The following WWOX variants were observed in gnomAD, a reference collection of about 807,000 sequenced individuals.
WWOX encodes the protein WW domain-containing oxidoreductase.
WWOX carries 69 observed loss-of-function variants against 46.2 expected under a neutral mutation model. The observed-to-expected ratio is 1.49, with a 90% confidence interval of 1.23 to 1.82. The LOEUF is 1.82. WWOX is among the 40% of genes most tolerant of loss of function. The pLI, the probability that WWOX is intolerant of heterozygous loss-of-function variation, is 0.00. For synonymous variants in WWOX, 359 were observed against 202.6 expected (o/e 1.77, Z -6.56); for missense variants, 919 against 542.6 (o/e 1.69, Z -6.89).
At chr16:78,210,819 C>G (rs368929594) in intron 5 of WWOX, among the ~76,000 whole-genome samples, 1 of 152,166 alleles carries the variant, frequency 6.6e-6, no homozygotes, top group Admixed American at 6.5e-5. Flanking sequence ...AGTAGCCTAT[C>G]TGTGGTTTAA....
chr16:79,074,697 T>C (rs2048621406), intron 8 of WWOX, among the ~76,000 whole-genome samples: 1 of 151,932 alleles, frequency 6.6e-6, no homozygotes, highest in African/African-American at 2.4e-5. Context: ...GATCAGCATA[T>C]GTTATTTATC....
At chr16:78,536,901 C>CTTTTTT (rs35326105) in intron 8 of WWOX, among the ~76,000 whole-genome samples, 3 of 120,058 alleles carry the variant, frequency 2.5e-5, no homozygotes, top group Non-Finnish European at 1.7e-5. Context: ...AGAGCCAAGT[C>CTTTTTT]TTTTTTTTTT....
intron 8 of WWOX, among the ~76,000 whole-genome samples, chr16:78,857,007 T>A (rs1251018469): frequency 6.6e-6 from 1 of 152,240 alleles, no homozygotes. Flanking sequence ...AATACAATGC[T>A]AAGTATTTGC....
chr16:78,856,189 C>T (rs571131665), intron 8 of WWOX, among the ~76,000 whole-genome samples: 2 of 152,028 alleles, frequency 1.3e-5, no homozygotes, highest in Admixed American at 6.5e-5. Context: ...GCATAAAGGG[C>T]CAGAACAGAA....
chr16:78,847,084 G>A (rs2052319180), intron 8 of WWOX, among the ~76,000 whole-genome samples: 1 of 152,142 alleles, frequency 6.6e-6, no homozygotes, highest in Admixed American at 6.5e-5. Flanking sequence ...TTTTGGCACT[G>A]TAAGAGGCTT....
intron 8 of WWOX, among the ~76,000 whole-genome samples, chr16:79,083,265 T>C (rs1300037050): frequency 6.6e-6 from 1 of 152,126 alleles, no homozygotes; most frequent in Admixed American, 6.5e-5. Context: ...CCTAATGAAA[T>C]GTGAGTGACA....
chr16:78,969,360 C>G (rs1393557894), intron 8 of WWOX, among the ~76,000 whole-genome samples: 1 of 151,926 alleles, frequency 6.6e-6, no homozygotes, highest in East Asian at 1.9e-4. Flanking sequence ...CCCTCCATCT[C>G]CCTGGTTCAA....
intron 8 of WWOX, among the ~76,000 whole-genome samples, chr16:79,082,406 G>A (rs555761348): frequency 2.2e-4 from 33 of 152,194 alleles, no homozygotes; most frequent in Admixed American, 7.8e-4. Flanking sequence ...AGTTACATCA[G>A]GGGAGGGTCA....
intron 8 of WWOX, among the ~76,000 whole-genome samples, chr16:78,605,873 G>A (rs2045744476): frequency 6.6e-6 from 1 of 152,026 alleles, no homozygotes; most frequent in Non-Finnish European, 1.5e-5. Flanking sequence ...CACCATATTT[G>A]GCCCTATAAT....
At chr16:78,356,068 TCCTAAAAAAAAAAAA>T (rs1567520567) in intron 5 of WWOX, among the ~76,000 whole-genome samples, 2 of 20,706 alleles carry the variant, frequency 9.7e-5, no homozygotes, top group Non-Finnish European at 3.1e-4. Context: ...GATTTTTTTT[TCCTAAAAAAAAAAAA>T]AAAAAAAAAA....
chr16:79,092,628 C>CT (rs1476389772), intron 8 of WWOX, among the ~76,000 whole-genome samples: 1 of 152,128 alleles, frequency 6.6e-6, no homozygotes, highest in Non-Finnish European at 1.5e-5. Flanking sequence ...GGCGAAACCC[C>CT]TTTTTCCAGT....
Position 79,178,694 on chromosome 16 carries a change from G to A in WWOX, c.1057-32914G>A, listed in dbSNP as rs771319581. 1.1e-4 allele frequency among the ~76,000 whole-genome samples: 17 copies of A among 152,164 alleles called. 1 individual carries two copies. On this transcript the variant is annotated intron_variant, in intron 8 of 8. Coordinates refer to ENST00000566780, the MANE Select transcript of WWOX (RefSeq NM_016373.4). Reference sequence around the variant, plus strand: ...CGTAGTCCATTTTTAAGTAGCTCTTGTCTTCCAAAGGTATGGGATGTGCCT... The same window carrying A: ...CGTAGTCCATTTTTAAGTAGCTCTTATCTTCCAAAGGTATGGGATGTGCCT...
Position 78,421,779 on chromosome 16 carries a change from A to G in WWOX, c.606-3091A>G, listed in dbSNP as rs532507163. ...TGCTTTTTACAGTCATGTGCTGACAATTCTAAACATTATCAATGATAAAAT... is the reference window on the plus strand; with the variant it reads ...TGCTTTTTACAGTCATGTGCTGACAGTTCTAAACATTATCAATGATAAAAT... On this transcript the variant is annotated intron_variant, in intron 6 of 8. Transcript: ENST00000566780. Among the ~76,000 whole-genome samples the G allele has an allele frequency of 2.2e-3, 341 of 152,322 alleles. 1 individual carries two copies. The highest frequency in any genetic ancestry group is 7.8e-3 in the African/African-American group (326 of 41,574).
chr16:78,954,283 G>A (rs1052912522), intron 8 of WWOX, among the ~76,000 whole-genome samples: 1 of 151,956 alleles, frequency 6.6e-6, no homozygotes, highest in Non-Finnish European at 1.5e-5. Context: ...ATAGGTGGAA[G>A]GATGAATGGA....
chr16:78,314,721 T>TC (rs1472066673), intron 5 of WWOX, among the ~76,000 whole-genome samples: 177 of 128,388 alleles, frequency 1.4e-3, no homozygotes, highest in African/African-American at 4.9e-3. Context: ...TTTTTTTTTT[T>TC]CTGTATTTTC....
intron 8 of WWOX, among the ~76,000 whole-genome samples, chr16:78,734,005 A>T (rs780752416): frequency 1.3e-5 from 2 of 152,018 alleles, no homozygotes; most frequent in Non-Finnish European, 2.9e-5. Flanking sequence ...GGCTCCAGTG[A>T]GTCATGATCA....
At chr16:78,672,813 C>G (rs1360187276) in intron 8 of WWOX, among the ~76,000 whole-genome samples, 1 of 152,206 alleles carries the variant, frequency 6.6e-6, no homozygotes, top group Non-Finnish European at 1.5e-5. Context: ...TAACAGCCAT[C>G]TGACTTGATC....
chr16:78,697,705 T>G (rs1567498680), intron 8 of WWOX, among the ~76,000 whole-genome samples: 1 of 152,196 alleles, frequency 6.6e-6, no homozygotes, highest in Admixed American at 6.6e-5. Flanking sequence ...TGAACACATT[T>G]AAGGTAGGCT....
intron 8 of WWOX, among the ~76,000 whole-genome samples, chr16:79,208,816 C>G (rs1052785271): frequency 2.0e-5 from 3 of 152,184 alleles, no homozygotes; most frequent in African/African-American, 7.2e-5. Context: ...AGATGTCACT[C>G]AGAGGTTGCC....
Sources: allele counts gnomAD v4.1 joint callset (sites outside exome capture counted in the v4.1 genomes callset), GRCh38; gene constraint gnomAD v4.1.1; transcripts MANE v1.5; gene names NCBI Gene and HGNC (gene_info 2026-07-23, HGNC 2026-07-21).